RPS13: variants seen among roughly 807,000 people sequenced by gnomAD.
The protein encoded by RPS13 is ribosomal protein S13, also known as small ribosomal subunit protein uS15.
In RPS13, 1 loss-of-function variant was observed where a neutral mutation model predicts 24.6. The ratio of observed to expected loss-of-function variants is 0.04; its 90% CI spans 0.01 to 0.19. RPS13 has a LOEUF of 0.19. Ranked by LOEUF, RPS13 falls within the 10% of genes least tolerant of loss-of-function variation. The probability of loss-of-function intolerance (pLI) is 1.00; values close to 1 mark genes in which losing one functional copy is unlikely to be tolerated. For missense variants in RPS13, 88 were observed against 187.4 expected (o/e 0.47, Z 3.10); for synonymous variants, 69 against 65.3 (o/e 1.06, Z -0.27).
chr11:17,075,050 G>A, intron 5 of RPS13, 47 bp downstream of exon 5: 6 of 1,283,326 alleles, frequency 4.7e-6, no homozygotes, highest in Non-Finnish European at 6.7e-6. Context: ...TTTTACTACT[G>A]GCTGACTCCT....
chr11:17,075,061 A>G (rs371295885), intron 5 of RPS13, 36 bp downstream of exon 5: 10 of 1,424,344 alleles, frequency 7.0e-6, no homozygotes, highest in South Asian at 2.4e-5. Context: ...GCTGACTCCT[A>G]TTCTTGATAA....
At chr11:17,077,064 G>A in intron 3 of RPS13, 104 bp downstream of exon 3, 1 of 836,178 alleles carries the variant, frequency 1.2e-6, no homozygotes, top group South Asian at 1.4e-5. Flanking sequence ...GCACGGTGGC[G>A]AGACCAGAGT....
chr11:17,074,799 A>G, intron 5 of RPS13: 1 of 659,646 alleles, frequency 1.5e-6, no homozygotes, highest in Non-Finnish European at 2.8e-6. Context: ...TGAAAGGAAA[A>G]TCTACCTACT....
chr11:17,074,754 G>A lies in RPS13; in HGVS notation c.423-288C>T, dbSNP rs1237473971. On this transcript the variant is annotated intron_variant, in intron 5 of 5. Coordinates refer to ENST00000525634, the MANE Select transcript of RPS13 (RefSeq NM_001017.3). ...CCAATCATCATAGTGAGCAATTCAT[G>A]TGAAAATTAATTCAAACTCCTGGGA... 21 of 670,510 alleles carry A rather than the reference G, an allele frequency of 3.1e-5. No homozygotes were observed. The East Asian group carries it at 3.8e-4, about 12-fold the overall frequency. 41.5% of individuals were successfully genotyped at this position (670,510 alleles called of 1,614,324 possible). A position where few individuals can be genotyped will look rare whatever the true frequency, so the allele number is the denominator to read the frequency against.
intron 5 of RPS13, 83 bp from the exon 6 acceptor site, chr11:17,074,549 T>C (rs1590879716): frequency 1.9e-6 from 2 of 1,046,782 alleles, no homozygotes; most frequent in Non-Finnish European, 3.0e-6. Context: ...TCCCCACTAA[T>C]GGTGCTATTC....
intron 5 of RPS13, chr11:17,074,849 CTGGGGTCTGCAACTA>C (rs1848001798): frequency 1.6e-6 from 1 of 631,384 alleles, no homozygotes; most frequent in Admixed American, 2.4e-5. Flanking sequence ...TGGTCTAAAT[CTGGGGTCTGCAACTA>C]TGGCCCTCTG....
intron 5 of RPS13, chr11:17,074,859 C>T (rs561156014): frequency 3.2e-6 from 2 of 618,866 alleles, no homozygotes; most frequent in East Asian, 5.8e-5. Context: ...CTGGGGTCTG[C>T]AACTATGGCC....
At chr11:17,075,397 C>G (rs1293967859) in intron 4 of RPS13, 57 bp downstream of exon 4, 96 of 1,367,404 alleles carry the variant, frequency 7.0e-5, no homozygotes, top group Non-Finnish European at 8.9e-5. Flanking sequence ...TACATTTTAC[C>G]GAAAAAATTT....
At position 17,077,354 on chromosome 11, in the gene RPS13, A is replaced by C. The variant is rs1437226499; in HGVS notation, c.72+75T>G. 4 of 1,581,314 alleles carry C rather than the reference A, an allele frequency of 2.5e-6. No homozygotes were observed. The East Asian group carries it at 9.0e-5, about 36-fold the overall frequency. ...CGCTCCTCATACACGCAAGTTCCTC[A>C]CCCTGGCGTCGCTTCACCCGAGACA... On this transcript the variant is annotated intron_variant, in intron 2 of 5. Coordinates refer to ENST00000525634, the MANE Select transcript of RPS13 (RefSeq NM_001017.3).
intron 5 of RPS13, 120 bp downstream of exon 5, chr11:17,074,977 A>C (rs920004545): frequency 5.7e-6 from 4 of 697,224 alleles, no homozygotes; most frequent in Admixed American, 5.7e-5. Context: ...TTAACAAAAT[A>C]GCCCCCAAGG....
intron 3 of RPS13, chr11:17,076,634 G>T: frequency 2.7e-6 from 1 of 373,478 alleles, no homozygotes; most frequent in South Asian, 2.0e-5. Flanking sequence ...TGCAGCCTGG[G>T]ACTTCTAGGC....
rs755107100 is a variant in RPS13, at chr11:17,075,160, C to G, written c.359G>C (p.Ser120Thr). 1 of 1,610,762 alleles carries G rather than the reference C, an allele frequency of 6.2e-7. No individual in the cohort carries two copies. ...DAKFRLILIESRIHRLARYYK... is the reference protein window; with the variant it reads ...DAKFRLILIETRIHRLARYYK... The stretch of plus-strand genomic sequence containing the variant: ...ATATCGAGCCAAACGGTGAATCCGG[C>G]TCTCTATTAGAATCAGACGGAATTT... The change falls in exon 5 of 6, where the codon AGC becomes ACC. Residue 120 changes from serine (S) to threonine (T), a missense_variant. Transcript: ENST00000525634.
intron 3 of RPS13, 94 bp downstream of exon 3, chr11:17,077,074 T>G: frequency 1.1e-6 from 1 of 916,426 alleles, no homozygotes; most frequent in Non-Finnish European, 1.8e-6. Flanking sequence ...GAGACCAGAG[T>G]TTTGGCTATT....
At chr11:17,075,705 CAT>C (rs1848015186) in intron 3 of RPS13, 82 bp from the exon 4 acceptor site, 1 of 1,118,016 alleles carries the variant, frequency 8.9e-7, no homozygotes. Context: ...GAAATCAGGG[CAT>C]AGTTTCCTAT....
chr11:17,076,397 AAC>A (rs772154164), intron 3 of RPS13: 54 of 302,360 alleles, frequency 1.8e-4, no homozygotes, highest in Non-Finnish European at 3.3e-4. Flanking sequence ...CTCAAACAAA[AAC>A]ACACAAATTA....
intron 3 of RPS13, chr11:17,076,769 T>C (rs367547504): frequency 4.5e-5 from 14 of 312,670 alleles, no homozygotes; most frequent in South Asian, 3.2e-4. Context: ...GTTCAGCACA[T>C]AGAAGGTAAA....
rs988526313 is a variant in RPS13 at position 17,074,593 on chromosome 11, G to A, written c.423-127C>T. On this transcript the variant is annotated intron_variant, in intron 5 of 5. Coordinates refer to ENST00000525634, the MANE Select transcript of RPS13 (RefSeq NM_001017.3). Reference sequence around the variant, plus strand: ...TTAATAAATCCAAACTATATAAAGTGCACCAAACTTCTGAATACCTGAACC... The same window carrying A: ...TTAATAAATCCAAACTATATAAAGTACACCAAACTTCTGAATACCTGAACC... The A allele has an allele frequency of 6.6e-5, 52 of 783,112 alleles. No individual in the cohort carries two copies. In the East Asian group the frequency reaches 1.3e-3, roughly 20 times the overall value. 48.5% of individuals were successfully genotyped at this position (783,112 alleles called of 1,614,324 possible). A position where few individuals can be genotyped will look rare whatever the true frequency, so the allele number is the denominator to read the frequency against.
chr11:17,074,593 G>T, intron 5 of RPS13, 127 bp from the exon 6 acceptor site: 1 of 783,230 alleles, frequency 1.3e-6, no homozygotes, highest in Non-Finnish European at 2.2e-6. Flanking sequence ...TATATAAAGT[G>T]CACCAAACTT....
intron 4 of RPS13, 111 bp downstream of exon 4, chr11:17,075,343 A>T (rs1848010149): frequency 9.7e-7 from 1 of 1,033,004 alleles, no homozygotes; most frequent in Non-Finnish European, 1.4e-6. Flanking sequence ...GCAGCACTAC[A>T]CTGGTTTGTG....
Sources: allele counts gnomAD v4.1 joint callset, GRCh38; gene constraint gnomAD v4.1.1; transcripts MANE v1.5; gene names NCBI Gene and HGNC (gene_info 2026-07-23, HGNC 2026-07-21).